POLN: variants seen among roughly 807,000 people sequenced by gnomAD.
POLN encodes DNA polymerase N.
POLN carries 108 observed loss-of-function variants against 113.5 expected under a neutral mutation model. The ratio of observed to expected loss-of-function variants is 0.95; its 90% CI spans 0.81 to 1.12. The LOEUF (loss-of-function observed/expected upper bound fraction) is 1.12. Ranked by LOEUF, POLN falls within the 50% of genes most tolerant of loss-of-function variation. The pLI is 0.00. For missense variants in POLN, 1,097 were observed against 1,077.1 expected, an observed-to-expected ratio of 1.02 and a Z score of -0.26; for synonymous variants, 386 against 391.5, an observed-to-expected ratio of 0.99 and a Z score of 0.17.
intron 16 of POLN, among the ~76,000 whole-genome samples, chr4:2,131,841 A>G (rs1731734796): frequency 6.6e-6 from 1 of 152,208 alleles, no homozygotes; most frequent in Non-Finnish European, 1.5e-5. Context: ...AACTTGGGCA[A>G]TGTGCAATAG....
chr4:2,209,534 C>G (rs969496423), intron 4 of POLN, among the ~76,000 whole-genome samples: 8 of 151,446 alleles, frequency 5.3e-5, no homozygotes, highest in African/African-American at 1.9e-4. Flanking sequence ...TCTCTCATTC[C>G]ATCAATGTGC....
intron 22 of POLN, 178 bp from the exon 23 acceptor site, chr4:2,081,214 G>T (rs768207123): frequency 2.6e-6 from 4 of 1,552,052 alleles, no homozygotes; most frequent in Non-Finnish European, 3.5e-6. Flanking sequence ...TGCTCCTCCC[G>T]CCCTCTTGCT....
chr4:2,135,331 A>G (rs757992937), intron 16 of POLN, among the ~76,000 whole-genome samples: 27 of 152,198 alleles, frequency 1.8e-4, no homozygotes, highest in Non-Finnish European at 4.0e-4. Flanking sequence ...ATGGGCCTTC[A>G]GCAAGGCCTC....
chr4:2,190,087 C>T (rs1458725438), intron 7 of POLN, among the ~76,000 whole-genome samples: 2 of 151,606 alleles, frequency 1.3e-5, no homozygotes, highest in African/African-American at 2.4e-5. Context: ...ACCAAACACC[C>T]TGAATAGCCA....
In POLN at chr4:2,080,991, G is replaced by A; in HGVS notation, c.2354C>T (p.Thr785Ile). ...CAAGGTGTGGGAAGCAGCCACTGCAGTGAAGACATGGATCATGGCCAGCTT... is the reference window on the plus strand; with the variant it reads ...CAAGGTGTGGGAAGCAGCCACTGCAATGAAGACATGGATCATGGCCAGCTT... ...LCKLAMIHVF[T>I]AVAASHTLTA... is the part of the protein sequence containing the mutation. The change falls in exon 23 of 26, where the codon ACT becomes ATT. Residue 785 changes from threonine (T) to isoleucine (I), a missense_variant. By Grantham distance (89) the Thr-to-Ile change is moderately conservative (BLOSUM62 -1). Transcript: ENST00000511885. The A allele has an allele frequency of 1.2e-6, 2 of 1,613,910 alleles. No individual in the cohort carries two copies. The highest frequency in any genetic ancestry group is 1.7e-6 in the Non-Finnish European group (2 of 1,179,980).
chr4:2,122,139 G>T (rs759975865), intron 19 of POLN, among the ~76,000 whole-genome samples: 1 of 151,996 alleles, frequency 6.6e-6, no homozygotes, highest in Middle Eastern at 3.2e-3. Flanking sequence ...CCTCTCACAC[G>T]TTCTAAGGTA....
At chr4:2,094,482 G>C (rs1730739110) in intron 20 of POLN, among the ~76,000 whole-genome samples, 1 of 152,016 alleles carries the variant, frequency 6.6e-6, no homozygotes, top group Admixed American at 6.6e-5. Flanking sequence ...AGGGGACCCA[G>C]CTATGGCATG....
rs1359013637 is a variant in POLN at position 2,081,727 on chromosome 4, G to A, written c.2214C>T (p.Ile738=). 1.4e-5 allele frequency: 23 copies of A among 1,613,930 alleles called. No individual in the cohort carries two copies. The highest frequency in any genetic ancestry group is 1.9e-5 in the Non-Finnish European group (23 of 1,179,968). Residue 738 remains isoleucine, a synonymous_variant, in exon 22 of 26, where the codon ATC becomes ATT. Coordinates refer to ENST00000511885, the MANE Select transcript of POLN (RefSeq NM_181808.4). Reference sequence around the variant, plus strand: ...TTGGCAGGGGTCTCCTTCTGCCCATGATGGACACCACACAGCCTGAGTCAC... The same window carrying A: ...TTGGCAGGGGTCTCCTTCTGCCCATAATGGACACCACACAGCCTGAGTCAC... ...QCHQTGCVVS[I]MGRRRPLPRI...
chr4:2,192,962 A>G (rs1011154346), intron 7 of POLN, among the ~76,000 whole-genome samples: 3 of 152,166 alleles, frequency 2.0e-5, no homozygotes, highest in Non-Finnish European at 2.9e-5. Context: ...ACCATGCTAC[A>G]TAAGTTAACT....
At chr4:2,217,040 G>A (rs1279050353) in intron 3 of POLN, among the ~76,000 whole-genome samples, 1 of 152,208 alleles carries the variant, frequency 6.6e-6, no homozygotes, top group South Asian at 2.1e-4. Flanking sequence ...TCCCCATGGT[G>A]AATGTTCTTG....
rs941984152 is a variant in POLN, at chr4:2,160,694, C to A, written c.1555-1483G>T. Among the ~76,000 whole-genome samples, 11 of 152,178 alleles carry A rather than the reference C, an allele frequency of 7.2e-5. No individual in the cohort carries two copies. In the East Asian group the frequency reaches 7.7e-4, roughly 11 times the overall value. On this transcript the variant is annotated intron_variant, in intron 13 of 25. Transcript: ENST00000511885. The stretch of plus-strand genomic sequence containing the variant: ...AAGGTGTTGGTATTACAAGCATGAG[C>A]CACAGTACCTGGCTTTTTCACTTAT...
intron 7 of POLN, among the ~76,000 whole-genome samples, chr4:2,181,294 A>G (rs1236138287): frequency 1.3e-5 from 2 of 151,930 alleles, no homozygotes; most frequent in Non-Finnish European, 2.9e-5. Flanking sequence ...ATAGGCACCC[A>G]CCACCATGCC....
At chr4:2,172,058 A>G (rs1732875241) in intron 11 of POLN, among the ~76,000 whole-genome samples, 1 of 152,212 alleles carries the variant, frequency 6.6e-6, no homozygotes, top group Admixed American at 6.5e-5. Context: ...AGACTTGAGC[A>G]GATCCTTTAC....
At chr4:2,142,467 C>A (rs1429575852) in intron 16 of POLN, among the ~76,000 whole-genome samples, 1 of 152,222 alleles carries the variant, frequency 6.6e-6, no homozygotes, top group African/African-American at 2.4e-5. Context: ...TGTGTAAACA[C>A]GTTCCCTATC....
intron 13 of POLN, among the ~76,000 whole-genome samples, chr4:2,169,078 T>C (rs1732797053): frequency 6.6e-6 from 1 of 152,160 alleles, no homozygotes; most frequent in African/African-American, 2.4e-5. Flanking sequence ...AGGAAAAATT[T>C]GTGGCACGAG....
chr4:2,094,844 T>C (rs916050938), intron 20 of POLN, among the ~76,000 whole-genome samples: 5 of 152,198 alleles, frequency 3.3e-5, no homozygotes, highest in Admixed American at 2.0e-4. Context: ...GACAATCTAC[T>C]ATGTGCTTGC....
At chr4:2,113,581 G>A (rs1310616489) in intron 19 of POLN, among the ~76,000 whole-genome samples, 5 of 151,378 alleles carry the variant, frequency 3.3e-5, no homozygotes, top group Non-Finnish European at 7.4e-5. Context: ...AAAATGGCTG[G>A]GCATGGTGGC....
In POLN at chr4:2,127,246, AGACACACG is replaced by A. The variant is rs1030835428; in HGVS notation, c.1982+859_1982+866del. 6.6e-6 allele frequency among the ~76,000 whole-genome samples: 1 copy of A among 151,998 alleles called. No individual in the cohort carries two copies. The highest frequency in any genetic ancestry group is 1.5e-5 in the Non-Finnish European group (1 of 67,966). On this transcript the variant is annotated intron_variant, in intron 19 of 25. Transcript: ENST00000511885. This position sits in a 1 kb window ranked among gnomAD's most constrained non-coding sequence, Gnocchi z 4.7. ...CTGATGAGGGAGGGGACAGTGACTC[AGACACACG>A]GACCTTCCAACAGCCAGCACACACT...
At chr4:2,184,224 A>G (rs1285303039) in intron 7 of POLN, among the ~76,000 whole-genome samples, 1 of 150,030 alleles carries the variant, frequency 6.7e-6, no homozygotes, top group Non-Finnish European at 1.5e-5. Flanking sequence ...CAACACCAAG[A>G]CACAGTCTAG....
Sources: gnomAD v4.1 joint callset for allele counts (sites outside exome capture counted in the v4.1 genomes callset) on GRCh38, gnomAD v4.1.1 for gene constraint, Gnocchi (gnomAD v3.1) non-coding constraint, MANE v1.5 for transcripts, NCBI Gene and HGNC (gene_info 2026-07-23, HGNC 2026-07-21) for gene names.